Variants in MARCHF1 observed in about 807,000 individuals in gnomAD.
MARCHF1 encodes the protein membrane associated ring-CH-type finger 1.
In MARCHF1, 40 loss-of-function variants were observed where a neutral mutation model predicts 54.2. That is an observed-to-expected ratio of 0.74 (90% CI 0.57 to 0.96). The LOEUF is 0.96. Ranked by LOEUF, MARCHF1 falls within the 40% of genes least tolerant of loss-of-function variation. The pLI is 0.00. For missense variants in MARCHF1, 586 were observed against 656.5 expected (o/e 0.89, Z 1.17); for synonymous variants, 236 against 236.3 (o/e 1.00, Z 0.01).
In MARCHF1 at chr4:163,612,251, CT is replaced by C; in HGVS notation, c.1010+19del. Reference sequence around the variant, plus strand: ...GAACTATATATGGATGACATCAAGCCTTTCTCTACAGTGACTGACCTGCATA... The same window carrying C: ...GAACTATATATGGATGACATCAAGCCTTCTCTACAGTGACTGACCTGCATA... On this transcript the variant is annotated intron_variant, in intron 7 of 9. Coordinates refer to ENST00000514618, the MANE Select transcript of MARCHF1 (RefSeq NM_001394959.1). The C allele has an allele frequency of 6.8e-7, 1 of 1,463,312 alleles. No individual in the cohort carries two copies. Among genetic ancestry groups the C allele is most frequent in the Non-Finnish European group, 9.0e-7 (1 of 1,116,974 alleles). The allele number at this position is 1,463,312 out of a possible 1,614,324, so 90.6% of individuals were successfully genotyped here.
intron 2 of MARCHF1, among the ~76,000 whole-genome samples, chr4:163,991,931 T>C (rs1752973787): frequency 6.6e-6 from 1 of 152,054 alleles, no homozygotes; most frequent in Admixed American, 6.6e-5. Context: ...GACCTCAGTT[T>C]TCCCCCAAGA....
At chr4:164,008,468 T>C (rs1415020277) in intron 2 of MARCHF1, among the ~76,000 whole-genome samples, 5 of 152,084 alleles carry the variant, frequency 3.3e-5, no homozygotes, top group African/African-American at 1.2e-4. Context: ...TAAAACCACA[T>C]ATTAGATAAA....
chr4:163,591,145 T>C (rs1360954034), intron 7 of MARCHF1, among the ~76,000 whole-genome samples: 1 of 151,894 alleles, frequency 6.6e-6, no homozygotes, highest in African/African-American at 2.4e-5. Context: ...TATTGTCCCA[T>C]TTTACTGCAT....
At chr4:163,852,796 C>G (rs1328633038) in intron 4 of MARCHF1, among the ~76,000 whole-genome samples, 2 of 152,142 alleles carry the variant, frequency 1.3e-5, no homozygotes, top group Non-Finnish European at 2.9e-5. Flanking sequence ...TATGTAACTG[C>G]TAAGGTCTGA....
intron 4 of MARCHF1, among the ~76,000 whole-genome samples, chr4:163,761,236 C>A (rs757051462): frequency 7.2e-5 from 11 of 152,086 alleles, no homozygotes; most frequent in Non-Finnish European, 1.5e-4. Flanking sequence ...TGATGTTATA[C>A]AATTGTGAGA....
chr4:163,874,587 T>G (rs574709705), intron 3 of MARCHF1, among the ~76,000 whole-genome samples: 31 of 152,284 alleles, frequency 2.0e-4, no homozygotes, highest in African/African-American at 6.3e-4. Context: ...GCTTAAGAAT[T>G]AAATCAACAT....
chr4:163,962,586 T>C (rs1344236247), intron 3 of MARCHF1, among the ~76,000 whole-genome samples: 1 of 151,940 alleles, frequency 6.6e-6, no homozygotes, highest in Non-Finnish European at 1.5e-5. Flanking sequence ...GTGAAGGAAA[T>C]GTACATTCTG....
chr4:164,308,114 T>A (rs1230616776), intron 1 of MARCHF1, among the ~76,000 whole-genome samples: 1 of 152,178 alleles, frequency 6.6e-6, no homozygotes, highest in Non-Finnish European at 1.5e-5. Flanking sequence ...TTTGCCTTTT[T>A]ACCCAGAGCC....
intron 4 of MARCHF1, among the ~76,000 whole-genome samples, chr4:163,810,111 A>G (rs1748343199): frequency 6.6e-6 from 1 of 152,184 alleles, no homozygotes; most frequent in East Asian, 1.9e-4. Flanking sequence ...ACAAGCCTCT[A>G]GGACTAACCT....
intron 1 of MARCHF1, among the ~76,000 whole-genome samples, chr4:164,229,283 G>A (rs781554581): frequency 2.6e-5 from 4 of 152,138 alleles, no homozygotes; most frequent in Non-Finnish European, 4.4e-5. Flanking sequence ...TTTCAGACGC[G>A]AGGTTATAAA....
At chr4:164,190,001 T>G in intron 1 of MARCHF1, 5 of 1,460,076 alleles carry the variant, frequency 3.4e-6, no homozygotes, top group Non-Finnish European at 4.8e-6. Flanking sequence ...GGATGGTTAA[T>G]GATGCTGAGA....
At chr4:163,575,206 T>C (rs1739996454) in intron 8 of MARCHF1, among the ~76,000 whole-genome samples, 1 of 152,090 alleles carries the variant, frequency 6.6e-6, no homozygotes, top group Admixed American at 6.6e-5. Flanking sequence ...TTTTGAGATA[T>C]GTCCCTTTTA....
At chr4:163,928,954 C>A (rs2068414041) in intron 3 of MARCHF1, among the ~76,000 whole-genome samples, 2 of 151,802 alleles carry the variant, frequency 1.3e-5, no homozygotes, top group Admixed American at 1.3e-4. Context: ...AAATAAGAGA[C>A]CTATATGTGC....
intron 1 of MARCHF1, among the ~76,000 whole-genome samples, chr4:164,218,850 TAAA>T (rs556382090): frequency 5.3e-5 from 7 of 131,826 alleles, no homozygotes; most frequent in African/African-American, 2.0e-4. Flanking sequence ...AAAGTATAAT[TAAA>T]AAAAAAAAAA....
intron 3 of MARCHF1, among the ~76,000 whole-genome samples, chr4:163,892,371 G>A (rs1356546997): frequency 6.6e-6 from 1 of 151,960 alleles, no homozygotes; most frequent in African/African-American, 2.4e-5. Context: ...TGTTTGAAGC[G>A]GAAGAAGCAA....
At chr4:164,130,712 A>G (rs930814864) in intron 1 of MARCHF1, among the ~76,000 whole-genome samples, 7 of 152,146 alleles carry the variant, frequency 4.6e-5, no homozygotes, top group Non-Finnish European at 1.0e-4. Context: ...ACTTCTCTAA[A>G]TACTAAGGCT....
In MARCHF1 at chr4:164,283,064, A is replaced by G. The variant is rs1158963492; in HGVS notation, c.-323+100806T>C. The stretch of plus-strand genomic sequence containing the variant: ...AATGAGGCAACAGTATTAACTTGAT[A>G]GCTCCACCAGATTCACATGATAGTG... On this transcript the variant is annotated intron_variant, in intron 1 of 9. Transcript: ENST00000514618. Among the ~76,000 whole-genome samples the G allele has an allele frequency of 2.0e-5, 3 of 151,228 alleles. No individual in the cohort carries two copies. The East Asian group carries it at 6.0e-4, about 30-fold the overall frequency.
At chr4:163,842,303 G>A (rs892027837) in intron 4 of MARCHF1, among the ~76,000 whole-genome samples, 8 of 151,912 alleles carry the variant, frequency 5.3e-5, no homozygotes, top group Admixed American at 2.0e-4. Flanking sequence ...TCTGTGAAAT[G>A]GGGAATACAG....
At position 163,612,540 on chromosome 4, in the gene MARCHF1, C is replaced by A. The variant is rs1344947431; in HGVS notation, c.741G>T (p.Leu247=). Residue 247 remains leucine, a synonymous_variant, in exon 7 of 10, where the codon CTG becomes CTT. Transcript: ENST00000514618. ...TCTTAATTTCAGAGGACCCTTGAGT[C>A]AGAGAAGGGTTGCATTCTTGGTACC... ...HTRYQECNPS[L]TQGSSEIKRS... The A allele has an allele frequency of 6.5e-7, 1 of 1,535,480 alleles. No homozygotes were observed. Among genetic ancestry groups the A allele is most frequent in the African/African-American group, 1.4e-5 (1 of 73,084 alleles).
Sources: gnomAD v4.1 joint callset for allele counts (sites outside exome capture counted in the v4.1 genomes callset) on GRCh38, gnomAD v4.1.1 for gene constraint, MANE v1.5 for transcripts, NCBI Gene and HGNC (gene_info 2026-07-23, HGNC 2026-07-21) for gene names.